COLEC10: variants seen among roughly 807,000 people sequenced by gnomAD.
COLEC10 encodes the protein collectin subfamily member 10.
COLEC10 carries 22 observed loss-of-function variants against 28.4 expected under a neutral mutation model. That is an observed-to-expected ratio of 0.78 (90% CI 0.55 to 1.11). The LOEUF is 1.11. Ranked by LOEUF, COLEC10 falls within the 50% of genes least tolerant of loss-of-function variation. The pLI is 0.00. For synonymous variants in COLEC10, 125 were observed against 116.1 expected, an observed-to-expected ratio of 1.08 and a Z score of -0.49; for missense variants, 361 against 344.1, an observed-to-expected ratio of 1.05 and a Z score of -0.39.
At chr8:119,017,254 C>CT (rs1327896446) in intron 2 of COLEC10, among the ~76,000 whole-genome samples, 1 of 152,122 alleles carries the variant, frequency 6.6e-6, no homozygotes, top group Non-Finnish European at 1.5e-5. Flanking sequence ...AAACTGTGAG[C>CT]TTAACCACTA....
intron 1 of COLEC10, among the ~76,000 whole-genome samples, chr8:118,996,785 C>T (rs1813597805): frequency 6.6e-6 from 1 of 152,168 alleles, no homozygotes; most frequent in Non-Finnish European, 1.5e-5. Context: ...ATCTGCTCAG[C>T]TTCTAGTGAG....
Position 119,067,295 on chromosome 8 carries a change from C to T in COLEC10, c.14C>T (p.Ala5Val). The T allele has an allele frequency of 6.2e-7, 1 of 1,613,864 alleles. No individual in the cohort carries two copies. The highest frequency in any genetic ancestry group is 8.5e-7 in the Non-Finnish European group (1 of 1,179,854). MNGF[A>V]SLLRRNQFIL... The stretch of plus-strand genomic sequence containing the variant: ...GGAACCACAGCAATGAATGGCTTTG[C>T]ATCCTTGCTTCGAAGAAACCAATTT... Residue 5 changes from alanine (A) to valine (V), a missense_variant, in exon 1 of 6, where the codon GCA (alanine) becomes GTA (valine). Physicochemically the swap from Ala to Val is moderately conservative, Grantham distance 64. Around this residue, in one of 3 missense-constraint regions of COLEC10, gnomAD observed 335 missense variants for 308.5 expected, o/e 1.09. Transcript: ENST00000332843.
At chr8:119,078,723 C>G (rs1293608316) in intron 1 of COLEC10, among the ~76,000 whole-genome samples, 1 of 152,088 alleles carries the variant, frequency 6.6e-6, no homozygotes, top group African/African-American at 2.4e-5. Flanking sequence ...AAAGAGGATA[C>G]TACAGTTCTC....
At chr8:119,083,584 C>T (rs1196455865) in intron 1 of COLEC10, among the ~76,000 whole-genome samples, 1 of 152,134 alleles carries the variant, frequency 6.6e-6, no homozygotes, top group Middle Eastern at 3.2e-3. Context: ...ACATTCCATG[C>T]AAGCAGCTCT....
chr8:118,972,295 G>T, the COLEC10 span, among the ~76,000 whole-genome samples: 1 of 151,942 alleles, frequency 6.6e-6, no homozygotes, highest in South Asian at 2.1e-4. Context: ...GGGCTTACTT[G>T]TAGCAACTTC....
the COLEC10 span, among the ~76,000 whole-genome samples, chr8:118,988,812 C>T: frequency 6.6e-6 from 1 of 152,198 alleles, no homozygotes; most frequent in Non-Finnish European, 1.5e-5. Context: ...ACCTCTGACA[C>T]CTATAGCTAC....
At chr8:118,971,606 A>C in the COLEC10 span, among the ~76,000 whole-genome samples, 1 of 151,968 alleles carries the variant, frequency 6.6e-6, no homozygotes, top group Non-Finnish European at 1.5e-5. Context: ...CAAATTGCAC[A>C]GTGTCCTTTT....
At chr8:119,019,073 CAG>C (rs1814045788) in intron 2 of COLEC10, among the ~76,000 whole-genome samples, 1 of 152,184 alleles carries the variant, frequency 6.6e-6, no homozygotes, top group South Asian at 2.1e-4. Flanking sequence ...CAACAACTCC[CAG>C]AGCTCAGGAT....
the COLEC10 span, among the ~76,000 whole-genome samples, chr8:118,989,575 ACACC>A: frequency 1.9e-3 from 283 of 147,198 alleles, no homozygotes; most frequent in African/African-American, 6.7e-3. Flanking sequence ...ACACACACAC[ACACC>A]CCTACCTACC....
chr8:119,014,562 AT>A (rs1212126986), intron 2 of COLEC10, among the ~76,000 whole-genome samples: 1 of 150,362 alleles, frequency 6.7e-6, no homozygotes, highest in Non-Finnish European at 1.5e-5. Context: ...TCTGCTTGAC[AT>A]TTATCCTCCT....
intron 2 of COLEC10, among the ~76,000 whole-genome samples, chr8:119,032,696 T>C (rs12676541): frequency 0.044 from 6,683 of 152,208 alleles, 217 homozygotes; most frequent in East Asian, 0.16. Flanking sequence ...GGTCAGGAGA[T>C]TGAGACCACC....
At chr8:119,063,700 T>C (rs957679168), upstream of COLEC10, among the ~76,000 whole-genome samples, 6 of 149,766 alleles carry the variant, frequency 4.0e-5, no homozygotes, top group African/African-American at 1.5e-4. Flanking sequence ...TGGATATATA[T>C]ATATATTTTT....
chr8:119,039,684 G>T (rs1814457657), intron 2 of COLEC10, among the ~76,000 whole-genome samples: 1 of 152,218 alleles, frequency 6.6e-6, no homozygotes. Context: ...ATGAGTCTCT[G>T]TTCTGAAGGT....
intron 2 of COLEC10, among the ~76,000 whole-genome samples, chr8:119,090,402 C>G (rs1815565901): frequency 6.6e-6 from 1 of 152,156 alleles, no homozygotes; most frequent in Non-Finnish European, 1.5e-5. Flanking sequence ...TGAAATATTT[C>G]TTGCCAACTG....
chr8:118,982,579 CT>C, the COLEC10 span: 1 of 191,082 alleles, frequency 5.2e-6, no homozygotes. Context: ...CAATCTTCAT[CT>C]TTTTCCTTCT....
chr8:118,990,948 T>G (rs1295051816), upstream of COLEC10, among the ~76,000 whole-genome samples: 1 of 151,774 alleles, frequency 6.6e-6, no homozygotes, highest in Non-Finnish European at 1.5e-5. Context: ...TACTTAGTAC[T>G]CTTTCTTTTA....
chr8:118,953,102 C>T, the COLEC10 span, among the ~76,000 whole-genome samples: 1 of 152,180 alleles, frequency 6.6e-6, no homozygotes, highest in East Asian at 1.9e-4. Context: ...AGCATCTGCC[C>T]CTTCCAAGGG....
At chr8:118,970,191 A>T in the COLEC10 span, among the ~76,000 whole-genome samples, 1 of 152,042 alleles carries the variant, frequency 6.6e-6, no homozygotes, top group Non-Finnish European at 1.5e-5. Flanking sequence ...GTGATGGCAG[A>T]TGTATCTTGA....
intron 3 of COLEC10, among the ~76,000 whole-genome samples, chr8:119,099,898 A>AT (rs994262463): frequency 3.0e-4 from 46 of 152,076 alleles, no homozygotes; most frequent in African/African-American, 1.1e-3. Flanking sequence ...AAAGCCCGTC[A>AT]TTTTCCCAAG....
Sources: allele counts gnomAD v4.1 joint callset (sites outside exome capture counted in the v4.1 genomes callset), GRCh38; gene constraint gnomAD v4.1.1; regional missense constraint gnomAD v4.1.1; transcripts MANE v1.5; gene names NCBI Gene and HGNC (gene_info 2026-07-23, HGNC 2026-07-21).